The following MAP3K14 variants were observed in gnomAD, a reference collection of about 807,000 sequenced individuals.
MAP3K14 encodes the protein mitogen-activated protein kinase kinase kinase 14, also known as NF-kappa-beta-inducing kinase.
MAP3K14 carries 16 observed loss-of-function variants against 99.2 expected under a neutral mutation model. The ratio of observed to expected loss-of-function variants is 0.16; its 90% CI spans 0.11 to 0.24. The LOEUF (loss-of-function observed/expected upper bound fraction) is 0.24. Among genes scored for constraint, MAP3K14 ranks in the 10% least tolerant of loss-of-function variants. The pLI is 1.00. For synonymous variants in MAP3K14, 462 were observed against 492.4 expected, an observed-to-expected ratio of 0.94 and a Z score of 0.82; for missense variants, 784 against 1,208.7, an observed-to-expected ratio of 0.65 and a Z score of 5.21.
intron 6 of MAP3K14, among the ~76,000 whole-genome samples, chr17:45,283,573 G>T (rs3785805): frequency 0.023 from 3,515 of 152,302 alleles, 152 homozygotes; most frequent in East Asian, 0.17. Context: ...CCTGGACGGT[G>T]GTGGCAGCGT....
In MAP3K14 at chr17:45,287,053, G is replaced by A. The variant is rs528700145; in HGVS notation, c.538-8C>T. The A allele has an allele frequency of 1.9e-6, 3 of 1,609,296 alleles. No individual in the cohort carries two copies. Among genetic ancestry groups the A allele is most frequent in the East Asian group, 2.2e-5 (1 of 44,774 alleles). On this transcript the variant is annotated splice_polypyrimidine_tract_variant and splice_region_variant and intron_variant, in intron 4 of 15. Transcript: ENST00000344686. ...GAGTGGAGACTCATCCTCCTGCGGG[G>A]GGAAACACAGCTATCAGCACAGAGG...
intron 6 of MAP3K14, among the ~76,000 whole-genome samples, chr17:45,278,846 T>A (rs1021517771): frequency 6.6e-6 from 1 of 152,128 alleles, no homozygotes; most frequent in African/African-American, 2.4e-5. Flanking sequence ...CTAATTTTTG[T>A]AGAGATGGGG....
At chr17:45,279,439 CTT>C (rs879475374) in intron 6 of MAP3K14, among the ~76,000 whole-genome samples, 1 of 136,258 alleles carries the variant, frequency 7.3e-6, no homozygotes, top group Admixed American at 7.4e-5. Context: ...CTTTGGTATT[CTT>C]TTTTTTTTTG....
intron 1 of MAP3K14, among the ~76,000 whole-genome samples, chr17:45,302,697 T>C (rs566274412): frequency 1.3e-5 from 2 of 152,316 alleles, no homozygotes; most frequent in East Asian, 3.9e-4. Flanking sequence ...ACACTTGAGA[T>C]TGGGGCTTTA....
At chr17:45,302,452 C>T (rs1291180078) in intron 1 of MAP3K14, among the ~76,000 whole-genome samples, 6 of 152,142 alleles carry the variant, frequency 3.9e-5, no homozygotes, top group South Asian at 2.1e-4. Flanking sequence ...GGATTACAGG[C>T]GCCTGCCACC....
At chr17:45,288,379 G>GTTTTT (rs11410554) in intron 3 of MAP3K14, among the ~76,000 whole-genome samples, 2 of 135,822 alleles carry the variant, frequency 1.5e-5, no homozygotes, top group Admixed American at 7.4e-5. Context: ...TTGAACTCTT[G>GTTTTT]TTTTTTTTTT....
chr17:45,284,035 C>T (rs1567993618), intron 6 of MAP3K14, among the ~76,000 whole-genome samples: 1 of 152,198 alleles, frequency 6.6e-6, no homozygotes, highest in Non-Finnish European at 1.5e-5. Flanking sequence ...TGTGATCTGA[C>T]AGGAGGAGGC....
At chr17:45,309,352 G>A (rs1477163929) in intron 1 of MAP3K14, among the ~76,000 whole-genome samples, 6 of 152,204 alleles carry the variant, frequency 3.9e-5, no homozygotes, top group African/African-American at 9.6e-5. Flanking sequence ...ACTGGGCTGC[G>A]CATGGTGGCC....
chr17:45,304,393 A>C (rs1330582507), intron 1 of MAP3K14, among the ~76,000 whole-genome samples: 3 of 151,812 alleles, frequency 2.0e-5, no homozygotes, highest in African/African-American at 7.3e-5. Context: ...CCAATTTTTC[A>C]CTTATACGTA....
chr17:45,265,028 G>C (rs1368601021), intron 15 of MAP3K14, 135 bp downstream of exon 15: 6 of 837,240 alleles, frequency 7.2e-6, no homozygotes, highest in Non-Finnish European at 1.2e-5. Context: ...TGAGGTCCTG[G>C]GGGACGTTGA....
chr17:45,263,600 T>C lies in MAP3K14; in HGVS notation c.*1036A>G, dbSNP rs2143751380. ...CCCTGCCAGAGGGCAGCCATGAAAGTGCTTTGAGGTCATCAGAGTGCAAAG... is the reference window on the plus strand; with the variant it reads ...CCCTGCCAGAGGGCAGCCATGAAAGCGCTTTGAGGTCATCAGAGTGCAAAG... On this transcript the variant is annotated 3_prime_UTR_variant, in exon 16 of 16. Transcript: ENST00000344686. 1 of 152,796 alleles carries C rather than the reference T, an allele frequency of 6.5e-6. No homozygotes were observed. The highest frequency in any genetic ancestry group is 1.5e-5 in the Non-Finnish European group (1 of 68,072). 9.5% of individuals were successfully genotyped at this position (152,796 alleles called of 1,614,324 possible).
rs1482774490 is a variant in MAP3K14 at position 45,284,872 on chromosome 17, G to A, written c.1230C>T (p.Ser410=). 1.3e-6 allele frequency: 2 copies of A among 1,578,952 alleles called. No individual in the cohort carries two copies. The highest frequency in any genetic ancestry group is 1.7e-6 in the Non-Finnish European group (2 of 1,162,302). ...CCTCCATCCTGTGCACCTCTCCGAA[G>A]GAGCCTCTGCCCAGGCGGAGCTGGT... is the stretch of plus-strand genomic sequence containing the variant. ...ATHQLRLGRG[S]FGEVHRMEDK... is the part of the protein sequence containing the mutation. Residue 410 remains serine, a synonymous_variant, in exon 6 of 16, where the codon TCC becomes TCT. Coordinates refer to ENST00000344686, the MANE Select transcript of MAP3K14 (RefSeq NM_003954.5).
intron 1 of MAP3K14, among the ~76,000 whole-genome samples, chr17:45,312,096 T>C (rs2044484874): frequency 6.6e-6 from 1 of 152,246 alleles, no homozygotes; most frequent in African/African-American, 2.4e-5. Flanking sequence ...TGCTCAGGAC[T>C]TTCTCTGCAA....
chr17:45,264,789 TGCA>T lies in MAP3K14; in HGVS notation c.2688_2690del (p.Ala898del). ...CGTCTTTGGTGACCAAGCTGAAGGCTGCAGCTGGGATCTAAGGGTGGAGCAAAC... is the reference window on the plus strand; with the variant it reads ...CGTCTTTGGTGACCAAGCTGAAGGCTGCTGGGATCTAAGGGTGGAGCAAAC... On this transcript the variant is annotated inframe_deletion, in exon 16 of 16. Coordinates refer to ENST00000344686, the MANE Select transcript of MAP3K14 (RefSeq NM_003954.5). The T allele has an allele frequency of 6.2e-7, 1 of 1,613,314 alleles. No individual in the cohort carries two copies.
At chr17:45,281,088 G>C (rs1339788894) in intron 6 of MAP3K14, among the ~76,000 whole-genome samples, 1 of 151,858 alleles carries the variant, frequency 6.6e-6, no homozygotes, top group East Asian at 1.9e-4. Flanking sequence ...AGTCCCTAGA[G>C]TAGGATCCCA....
At chr17:45,280,857 C>T (rs192874812) in intron 6 of MAP3K14, among the ~76,000 whole-genome samples, 82 of 152,166 alleles carry the variant, frequency 5.4e-4, no homozygotes, top group African/African-American at 1.7e-3. Flanking sequence ...GTGATCTGCC[C>T]GCTTTGGCCT....
In MAP3K14 at chr17:45,264,160, G is replaced by C. The variant is rs2044046870; in HGVS notation, c.*476C>G. On this transcript the variant is annotated 3_prime_UTR_variant, in exon 16 of 16. Coordinates refer to ENST00000344686, the MANE Select transcript of MAP3K14 (RefSeq NM_003954.5). ...GAGGGCCCCCTTAACCTACGGGCGG[G>C]CATACCTGCTGACCTGGTTCTGCAC... The C allele has an allele frequency of 6.5e-6, 1 of 153,884 alleles. No homozygotes were observed. The highest frequency in any genetic ancestry group is 2.0e-4 in the South Asian group (1 of 4,902). 9.5% of individuals were successfully genotyped at this position (153,884 alleles called of 1,614,324 possible).
intron 7 of MAP3K14, 53 bp downstream of exon 7, chr17:45,274,409 CAG>C (rs781325108): frequency 3.2e-5 from 52 of 1,606,474 alleles, no homozygotes; most frequent in African/African-American, 4.0e-5. Flanking sequence ...GGGCAAGACT[CAG>C]GGGGGAACTC....
At chr17:45,312,030 A>G (rs917969683) in intron 1 of MAP3K14, among the ~76,000 whole-genome samples, 4 of 152,164 alleles carry the variant, frequency 2.6e-5, no homozygotes, top group Non-Finnish European at 4.4e-5. Flanking sequence ...CCCTGCCTCC[A>G]TAGCCCTGGG....
Sources: allele counts gnomAD v4.1 joint callset (sites outside exome capture counted in the v4.1 genomes callset), GRCh38; gene constraint gnomAD v4.1.1; transcripts MANE v1.5; gene names NCBI Gene and HGNC (gene_info 2026-07-23, HGNC 2026-07-21).